FAM47A: variants seen among roughly 807,000 people sequenced by gnomAD.
FAM47A encodes the protein family with sequence similarity 47 member A.
A neutral mutation model predicts 2.6 loss-of-function variants in FAM47A; 1 was observed. That is an observed-to-expected ratio of 0.39 (90% CI 0.14 to 1.83). FAM47A has a LOEUF of 1.83. Among genes scored for constraint, FAM47A ranks in the 40% most tolerant of loss-of-function variants. FAM47A has a pLI of 0.32. For synonymous variants in FAM47A, 278 were observed against 270.1 expected, an observed-to-expected ratio of 1.03 and a Z score of -0.29; for missense variants, 657 against 673.1, an observed-to-expected ratio of 0.98 and a Z score of 0.26.
rs778620093 is a variant in FAM47A, at chrX:34,131,536, C to T, written c.743G>A (p.Arg248His). Residue 248 changes from arginine (R) to histidine (H), a missense_variant, in exon 1 of 1, where the codon CGC (arginine) becomes CAC (histidine). Physicochemically the swap from Arg to His is conservative, Grantham distance 29. This residue lies in a region of FAM47A where 436 missense variants were observed against 414.1 expected (regional missense o/e 1.05). Coordinates refer to ENST00000346193, the MANE Select transcript of FAM47A (RefSeq NM_203408.4). Reference sequence around the variant, plus strand: ...CCGACGAGTGATGGGAGGCCCCGGGCGGATATGGGACACTCCAGTCTCTGG... The same window carrying T: ...CCGACGAGTGATGGGAGGCCCCGGGTGGATATGGGACACTCCAGTCTCTGG... ...EPPETGVSHI[R>H]PGPPITRRRS... 1.7e-6 allele frequency: 2 copies of T among 1,196,537 alleles called. No individual in the cohort carries two copies. Among genetic ancestry groups the T allele is most frequent in the African/African-American group, 1.9e-5 (1 of 53,323 alleles).
Position 34,131,164 on chromosome X carries a change from C to G in FAM47A, c.1115G>C (p.Gly372Ala), listed in dbSNP as rs773005335. ...LRLAPPKTRR[G>A]SSLHAEPSKT... The stretch of plus-strand genomic sequence containing the variant: ...GGAAGGCTCCGCGTGGAGACTGGAC[C>G]CCCGACGAGTCTTGGGAGGCGCTAG... Residue 372 changes from glycine to alanine, a missense_variant, in exon 1 of 1, where the codon GGG becomes GCG. Coordinates refer to ENST00000346193, the MANE Select transcript of FAM47A (RefSeq NM_203408.4). 2.5e-6 allele frequency: 3 copies of G among 1,177,480 alleles called. No homozygotes were observed. The highest frequency in any genetic ancestry group is 1.9e-5 in the South Asian group (1 of 53,749).
chrX:34,130,465 G>C lies in FAM47A; in HGVS notation c.1814C>G (p.Ser605Trp). The change falls in exon 1 of 1, where the codon TCG (serine) becomes TGG (tryptophan). Residue 605 changes from serine (S) to tryptophan (W), a missense_variant. Physicochemically the swap from Ser to Trp is radical, Grantham distance 177. This residue lies in a region of FAM47A where 198 missense variants were observed against 203.4 expected (regional missense o/e 0.97). Transcript: ENST00000346193. Reference protein sequence around the residue: ...VSDSLQYRYTSEKLREFFKWA... With the variant: ...VSDSLQYRYTWEKLREFFKWA... ...CTTGAAGAATTCACGGAGTTTTTCC[G>C]ATGTGTATCTATATTGAAGAGAGTC... The C allele has an allele frequency of 8.3e-7, 1 of 1,211,119 alleles. No homozygotes were observed. Among genetic ancestry groups the C allele is most frequent in the Non-Finnish European group, 1.1e-6 (1 of 895,370 alleles).
Position 34,130,479 on chromosome X carries a change from T to A in FAM47A, c.1800A>T (p.Gln600His). The change falls in exon 1 of 1, where the codon CAA becomes CAT. Residue 600 changes from glutamine (Q) to histidine (H), a missense_variant. Physicochemically the swap from Gln to His is conservative, Grantham distance 24 (BLOSUM62 0). Coordinates refer to ENST00000346193, the MANE Select transcript of FAM47A (RefSeq NM_203408.4). Reference protein sequence around the residue: ...STKECVSDSLQYRYTSEKLRE... With the variant: ...STKECVSDSLHYRYTSEKLRE... ...GGAGTTTTTCCGATGTGTATCTATA[T>A]TGAAGAGAGTCAGAAACGCACTCTT... 8.3e-7 allele frequency: 1 copy of A among 1,211,596 alleles called. No individual in the cohort carries two copies. Among genetic ancestry groups the A allele is most frequent in the Non-Finnish European group, 1.1e-6 (1 of 895,521 alleles).
Position 34,131,198 on chromosome X carries a change from G to A in FAM47A, c.1081C>T (p.Arg361Cys). Residue 361 changes from arginine (R) to cysteine (C), a missense_variant, in exon 1 of 1, where the codon CGT (arginine) becomes TGT (cysteine). Transcript: ENST00000346193. ...GTCTTGGGAGGCGCTAGGCGGAGAC[G>A]GGACACTCCAGTCTCGGAAGGCTCC... ...RSEPSETGVS[R>C]LRLAPPKTRR... is the part of the protein sequence containing the mutation. The A allele has an allele frequency of 8.3e-7, 1 of 1,206,235 alleles. No individual in the cohort carries two copies. The highest frequency in any genetic ancestry group is 1.1e-6 in the Non-Finnish European group (1 of 893,282).
rs765438099 is a variant in FAM47A, at chrX:34,131,622, C to G, written c.657G>C (p.Pro219=). Residue 219 remains proline (P), a synonymous_variant, in exon 1 of 1, where the codon CCG becomes CCC. Transcript: ENST00000346193. ...GAGGCTCCGGGCGGAGACTGGACAC[C>G]GGAGTCTTGGGAGGCTCCGGGCTTA... is the stretch of plus-strand genomic sequence containing the variant. ...SHLSPEPPKT[P]VSSLRPEPPE... is the part of the protein sequence containing the mutation. The G allele has an allele frequency of 1.3e-5, 16 of 1,200,623 alleles. No individual in the cohort carries two copies. Among genetic ancestry groups the G allele is most frequent in the Non-Finnish European group, 4.5e-6 (4 of 890,998 alleles).
rs1359528472 is a variant in FAM47A at position 34,130,485 on chromosome X, A to G, written c.1794T>C (p.Ser598=). Reference sequence around the variant, plus strand: ...TTTCCGATGTGTATCTATATTGAAGAGAGTCAGAAACGCACTCTTTTGTGC... The same window carrying G: ...TTTCCGATGTGTATCTATATTGAAGGGAGTCAGAAACGCACTCTTTTGTGC... ...TPSTKECVSD[S]LQYRYTSEKL... is the part of the protein sequence containing the mutation. Residue 598 remains serine (S), a synonymous_variant, in exon 1 of 1, where the codon TCT becomes TCC. Transcript: ENST00000346193. 1 of 1,209,585 alleles carries G rather than the reference A, an allele frequency of 8.3e-7. No homozygotes were observed. Among genetic ancestry groups the G allele is most frequent in the African/African-American group, 1.8e-5 (1 of 57,045 alleles).
Position 34,130,142 on chromosome X carries a change from G to A in FAM47A, c.2137C>T (p.Pro713Ser). The A allele has an allele frequency of 1.7e-6, 2 of 1,211,601 alleles. No individual in the cohort carries two copies. Among genetic ancestry groups the A allele is most frequent in the Non-Finnish European group, 2.2e-6 (2 of 895,461 alleles). The change falls in exon 1 of 1, where the codon CCT (proline) becomes TCT (serine). Residue 713 changes from proline to serine, a missense_variant. Pro to Ser is a moderately conservative substitution (Grantham distance 74). Around this residue, in one of 3 missense-constraint regions of FAM47A, gnomAD observed 198 missense variants for 203.4 expected, o/e 0.97. Coordinates refer to ENST00000346193, the MANE Select transcript of FAM47A (RefSeq NM_203408.4). ...AGTAAGAGCTTGGGGTCAATCAAAG[G>A]TTCATCACTTCTTAGCTTTTTCCAC... ...KLWKKLRSDE[P>S]LIDPKLLLKK...
Position 34,131,168 on chromosome X carries a change from G to T in FAM47A, c.1111C>A (p.Arg371=). Residue 371 remains arginine, a synonymous_variant, in exon 1 of 1, where the codon CGG becomes AGG. Coordinates refer to ENST00000346193, the MANE Select transcript of FAM47A (RefSeq NM_203408.4). ...RLRLAPPKTR[R]GSSLHAEPSK... is the part of the protein sequence containing the mutation. The stretch of plus-strand genomic sequence containing the variant: ...GGCTCCGCGTGGAGACTGGACCCCC[G>T]ACGAGTCTTGGGAGGCGCTAGGCGG... 1 of 1,190,908 alleles carries T rather than the reference G, an allele frequency of 8.4e-7. No individual in the cohort carries two copies. Among genetic ancestry groups the T allele is most frequent in the Middle Eastern group, 2.3e-4 (1 of 4,288 alleles).
At position 34,132,151 on chromosome X, in the gene FAM47A, A is replaced by G; in HGVS notation, c.128T>C (p.Met43Thr). The G allele has an allele frequency of 8.3e-7, 1 of 1,211,238 alleles. No homozygotes were observed. The highest frequency in any genetic ancestry group is 1.1e-6 in the Non-Finnish European group (1 of 895,360). ...CACAAATACCCAGTTCTGGGTGTCCATGGGTGGGAACCTCAGGCGCCTGTG... is the reference window on the plus strand; with the variant it reads ...CACAAATACCCAGTTCTGGGTGTCCGTGGGTGGGAACCTCAGGCGCCTGTG... ...CKHRRLRFPP[M>T]DTQNWVFVKE... Residue 43 changes from methionine (M) to threonine (T), a missense_variant, in exon 1 of 1, where the codon ATG becomes ACG. Physicochemically the swap from Met to Thr is moderately conservative, Grantham distance 81. This residue lies in a region of FAM47A where 436 missense variants were observed against 414.1 expected (regional missense o/e 1.05). Coordinates refer to ENST00000346193, the MANE Select transcript of FAM47A (RefSeq NM_203408.4).
Position 34,130,744 on chromosome X carries a change from C to T in FAM47A, c.1535G>A (p.Arg512His). ...SSLRSEPPKT[R>H]RTSSLRSEPP... Reference sequence around the variant, plus strand: ...CTCCGAGCGGAGACTGGACGTCCGACGAGTCTTGGGAGGCTCCGAGCGGAG... The same window carrying T: ...CTCCGAGCGGAGACTGGACGTCCGATGAGTCTTGGGAGGCTCCGAGCGGAG... The change falls in exon 1 of 1, where the codon CGT becomes CAT. Residue 512 changes from arginine to histidine, a missense_variant. Around this residue, in one of 3 missense-constraint regions of FAM47A, gnomAD observed 23 missense variants for 55.6 expected, o/e 0.41. Coordinates refer to ENST00000346193, the MANE Select transcript of FAM47A (RefSeq NM_203408.4). The T allele has an allele frequency of 8.5e-7, 1 of 1,180,865 alleles. No homozygotes were observed. The highest frequency in any genetic ancestry group is 1.1e-6 in the Non-Finnish European group (1 of 879,375).
chrX:34,131,300 G>T lies in FAM47A; in HGVS notation c.979C>A (p.Pro327Thr). Reference sequence around the variant, plus strand: ...GACTCTCCAGTCTCCGGAGGCTCCGGGCGGAGACTGGACACCGGAGTCTTG... The same window carrying T: ...GACTCTCCAGTCTCCGGAGGCTCCGTGCGGAGACTGGACACCGGAGTCTTG... ...PPKTPVSSLR[P>T]EPPETGESHL... The change falls in exon 1 of 1, where the codon CCG becomes ACG. Residue 327 changes from proline to threonine, a missense_variant. Transcript: ENST00000346193. 8.3e-7 allele frequency: 1 copy of T among 1,211,163 alleles called. No individual in the cohort carries two copies. The highest frequency in any genetic ancestry group is 1.1e-6 in the Non-Finnish European group (1 of 895,314).
Position 34,131,003 on chromosome X carries a change from G to C in FAM47A, c.1276C>G (p.Leu426Val). 2 of 1,193,850 alleles carry C rather than the reference G, an allele frequency of 1.7e-6. No homozygotes were observed. The highest frequency in any genetic ancestry group is 2.3e-6 in the Non-Finnish European group (2 of 885,741). ...PDTSQVSNLL[L>V]YILKVLDSGR... ...GAATCCAGCACTTTCAGTATGTATA[G>C]TAGGAGATTGGACACCTGACTAGTG... The change falls in exon 1 of 1, where the codon CTA (leucine) becomes GTA (valine). Residue 426 changes from leucine to valine, a missense_variant. Around this residue, in one of 3 missense-constraint regions of FAM47A, gnomAD observed 436 missense variants for 414.1 expected, o/e 1.05. Transcript: ENST00000346193.
Position 34,132,194 on chromosome X carries a change from A to G in FAM47A, c.85T>C (p.Cys29Arg). 3.3e-6 allele frequency: 4 copies of G among 1,210,129 alleles called. No individual in the cohort carries two copies. The highest frequency in any genetic ancestry group is 4.5e-6 in the Non-Finnish European group (4 of 894,821). Reference protein sequence around the residue: ...PWYCNKRPSKCFAKCKHRRLR... With the variant: ...PWYCNKRPSKRFAKCKHRRLR... ...CGCCTGTGCTTGCACTTCGCGAAGC[A>G]CTTGGAAGGCCGTTTGTTACAGTAC... is the stretch of plus-strand genomic sequence containing the variant. Residue 29 changes from cysteine (C) to arginine (R), a missense_variant, in exon 1 of 1, where the codon TGC becomes CGC. Transcript: ENST00000346193.
At position 34,131,184 on chromosome X, in the gene FAM47A, C is replaced by G; in HGVS notation, c.1095G>C (p.Ala365=). ...SETGVSRLRL[A]PPKTRRGSSL... ...TGGACCCCCGACGAGTCTTGGGAGG[C>G]GCTAGGCGGAGACGGGACACTCCAG... The change falls in exon 1 of 1, where the codon GCG becomes GCC. Residue 365 remains alanine (A), a synonymous_variant. Coordinates refer to ENST00000346193, the MANE Select transcript of FAM47A (RefSeq NM_203408.4). The G allele has an allele frequency of 1.7e-6, 2 of 1,190,733 alleles. No individual in the cohort carries two copies. Among genetic ancestry groups the G allele is most frequent in the Non-Finnish European group, 1.1e-6 (1 of 882,633 alleles).
Position 34,131,368 on chromosome X carries a change from C to G in FAM47A, c.911G>C (p.Arg304Pro). The stretch of plus-strand genomic sequence containing the variant: ...ATGGGACAGTGGAGTCTCGAAAGGC[C>G]GAGGACAGAATTTCCCACAAGGGTA... ...GKYPCGKFCP[R>P]PFETPLSHLR... The change falls in exon 1 of 1, where the codon CGG becomes CCG. Residue 304 changes from arginine (R) to proline (P), a missense_variant. Around this residue, in one of 3 missense-constraint regions of FAM47A, gnomAD observed 436 missense variants for 414.1 expected, o/e 1.05. Coordinates refer to ENST00000346193, the MANE Select transcript of FAM47A (RefSeq NM_203408.4). 1 of 1,190,856 alleles carries G rather than the reference C, an allele frequency of 8.4e-7. No homozygotes were observed.
At position 34,131,667 on chromosome X, in the gene FAM47A, G is replaced by A. The variant is rs1350403048; in HGVS notation, c.612C>T (p.Pro204=). 1 of 1,208,307 alleles carries A rather than the reference G, an allele frequency of 8.3e-7. No homozygotes were observed. The highest frequency in any genetic ancestry group is 1.1e-6 in the Non-Finnish European group (1 of 894,264). Reference sequence around the variant, plus strand: ...GGCTTAGATGGGACACTCCAGTCTCGGGAGGCTCTGGGAGGAGATGGGACA... The same window carrying A: ...GGCTTAGATGGGACACTCCAGTCTCAGGAGGCTCTGGGAGGAGATGGGACA... ...TPVSHLLPEP[P]ETGVSHLSPE... Residue 204 remains proline (P), a synonymous_variant, in exon 1 of 1, where the codon CCC becomes CCT. Coordinates refer to ENST00000346193, the MANE Select transcript of FAM47A (RefSeq NM_203408.4).
In FAM47A at chrX:34,129,787, T is replaced by C; in HGVS notation, c.*116A>G. 1 of 606,772 alleles carries C rather than the reference T, an allele frequency of 1.6e-6. No homozygotes were observed. The highest frequency in any genetic ancestry group is 3.5e-5 in the East Asian group (1 of 28,212). 50.0% of individuals were successfully genotyped at this position (606,772 alleles called of 1,213,427 possible). ...AAGAAATATTGATAAACATTAGGTA[T>C]TGAATTTACAGATGTTGCCAAAGTT... On this transcript the variant is annotated 3_prime_UTR_variant, in exon 1 of 1. Transcript: ENST00000346193.
In FAM47A at chrX:34,130,570, G is replaced by A. The variant is rs1339397781; in HGVS notation, c.1709C>T (p.Ser570Leu). 9 of 1,211,637 alleles carry A rather than the reference G, an allele frequency of 7.4e-6. No homozygotes were observed. Among genetic ancestry groups the A allele is most frequent in the Middle Eastern group, 2.3e-4 (1 of 4,355 alleles). The change falls in exon 1 of 1, where the codon TCG (serine) becomes TTG (leucine). Residue 570 changes from serine (S) to leucine (L), a missense_variant. Transcript: ENST00000346193. The stretch of plus-strand genomic sequence containing the variant: ...GGATGCTCGAATCTTGGGAGGCTCC[G>A]AGAATTGATGGGACTCTGGAGCTTT... ...PPKAPESHQF[S>L]EPPKIRASYI...
In FAM47A at chrX:34,130,667, G is replaced by C. The variant is rs781182091; in HGVS notation, c.1612C>G (p.Arg538Gly). 1 of 1,205,609 alleles carries C rather than the reference G, an allele frequency of 8.3e-7. No individual in the cohort carries two copies. Among genetic ancestry groups the C allele is most frequent in the Non-Finnish European group, 1.1e-6 (1 of 893,226 alleles). The change falls in exon 1 of 1, where the codon CGT becomes GGT. Residue 538 changes from arginine (R) to glycine (G), a missense_variant. This residue lies in a region of FAM47A where 198 missense variants were observed against 203.4 expected (regional missense o/e 0.97). Coordinates refer to ENST00000346193, the MANE Select transcript of FAM47A (RefSeq NM_203408.4). The stretch of plus-strand genomic sequence containing the variant: ...TCCGGGCGGAGACTGGACACTCGAC[G>C]AGTCTTGGGAGGCTCCGGACCGAGA... ...SSLGPEPPKT[R>G]RVSSLRPELP...
Sources: allele counts gnomAD v4.1 joint callset, GRCh38; gene constraint gnomAD v4.1.1; regional missense constraint gnomAD v4.1.1; transcripts MANE v1.5; gene names NCBI Gene and HGNC (gene_info 2026-07-23, HGNC 2026-07-21).